The following AMZ1 variants were observed in gnomAD, a reference collection of about 807,000 sequenced individuals.
AMZ1 encodes archaelysin family metallopeptidase 1, also known as archaemetzincin-1.
A neutral mutation model predicts 29.9 loss-of-function variants in AMZ1; 39 were observed. The ratio of observed to expected loss-of-function variants is 1.30; its 90% confidence interval spans 1.01 to 1.70. The LOEUF (loss-of-function observed/expected upper bound fraction) is 1.70, where lower values mean the gene tolerates loss of function less well. AMZ1 is among the 40% of genes most tolerant of loss of function. AMZ1 has a pLI of 0.00. For synonymous variants in AMZ1, 458 were observed against 304.0 expected, an observed-to-expected ratio of 1.51 and a Z score of -5.27; for missense variants, 1,041 against 680.6, an observed-to-expected ratio of 1.53 and a Z score of -5.89.
chr7:2,736,743 C>T (rs989609358), intron 4 of AMZ1, among the ~76,000 whole-genome samples: 1 of 152,244 alleles, frequency 6.6e-6, no homozygotes, highest in African/African-American at 2.4e-5. Context: ...AAGACACACG[C>T]TCGGCTTGCT....
chr7:2,741,961 T>C (rs1790528662), intron 4 of AMZ1, among the ~76,000 whole-genome samples: 1 of 151,916 alleles, frequency 6.6e-6, no homozygotes. Context: ...ATTTAGTATA[T>C]TACTTACATG....
intron 6 of AMZ1, 78 bp downstream of exon 6, chr7:2,709,894 A>C (rs897146258): frequency 6.4e-7 from 1 of 1,559,248 alleles, no homozygotes; most frequent in Non-Finnish European, 8.7e-7. Flanking sequence ...GAGGCTACGC[A>C]GGGCATGGGG....
At chr7:2,685,746 A>G (rs977953509), upstream of AMZ1, among the ~76,000 whole-genome samples, 1 of 140,420 alleles carries the variant, frequency 7.1e-6, no homozygotes, top group Non-Finnish European at 1.5e-5. Context: ...CCAGCTACTT[A>G]GGAGGCTGAG....
chr7:2,694,735 C>CGATCTCA (rs1554246190), intron 1 of AMZ1, among the ~76,000 whole-genome samples: 1 of 151,512 alleles, frequency 6.6e-6, no homozygotes, highest in Non-Finnish European at 1.5e-5. Context: ...TGCAGTGGCG[C>CGATCTCA]GATCTCAGCT....
intron 4 of AMZ1, among the ~76,000 whole-genome samples, chr7:2,758,910 C>T (rs929246768): frequency 2.0e-5 from 3 of 151,976 alleles, no homozygotes; most frequent in Non-Finnish European, 2.9e-5. Context: ...TCTGGGAGGC[C>T]GAGGTGGATC....
intron 4 of AMZ1, among the ~76,000 whole-genome samples, chr7:2,741,781 A>G (rs1583219943): frequency 6.6e-6 from 1 of 151,572 alleles, no homozygotes; most frequent in Non-Finnish European, 1.5e-5. Flanking sequence ...GAATGAGGAC[A>G]CCTGCTTCTA....
At position 2,702,751 on chromosome 7, in the gene AMZ1, C is replaced by A; in HGVS notation, c.334C>A (p.Leu112Met). 7.1e-6 allele frequency: 11 copies of A among 1,540,658 alleles called. No individual in the cohort carries two copies. Among genetic ancestry groups the A allele is most frequent in the Non-Finnish European group, 9.6e-6 (11 of 1,145,744 alleles). The stretch of plus-strand genomic sequence containing the variant: ...GAGCGAGGAGCCGGTGGGAAGCTCC[C>A]TGCTGCACCAGCTGTGCAGCTGCAC... ...DLSEEPVGSS[L>M]LHQLCSCTEA... The change falls in exon 3 of 7, where the codon CTG (leucine) becomes ATG (methionine). Residue 112 changes from leucine (L) to methionine (M), a missense_variant. By Grantham distance (15) the Leu-to-Met change is conservative (BLOSUM62 2). Transcript: ENST00000683327.
At chr7:2,696,023 A>G (rs995676770) in intron 1 of AMZ1, among the ~76,000 whole-genome samples, 4 of 151,362 alleles carry the variant, frequency 2.6e-5, no homozygotes, top group Non-Finnish European at 4.4e-5. Flanking sequence ...GAAAAAAAAA[A>G]AAAAAAGGAA....
chr7:2,700,661 A>T lies in AMZ1; in HGVS notation c.210A>T (p.Arg70=). ...IRTGFDWLLS[R]PEAPEDFQTF... Reference sequence around the variant, plus strand: ...CGGGCTTCGACTGGCTCCTGAGCCGACCCGAGGCTCCCGAGGACTTCCAGA... The same window carrying T: ...CGGGCTTCGACTGGCTCCTGAGCCGTCCCGAGGCTCCCGAGGACTTCCAGA... The change falls in exon 2 of 7, where the codon CGA becomes CGT. Residue 70 remains arginine (R), a synonymous_variant. Coordinates refer to ENST00000683327, the MANE Select transcript of AMZ1 (RefSeq NM_001384743.1). The T allele has an allele frequency of 6.2e-7, 1 of 1,612,318 alleles. No homozygotes were observed. The highest frequency in any genetic ancestry group is 8.5e-7 in the Non-Finnish European group (1 of 1,179,972).
Position 2,712,750 on chromosome 7 carries a change from A to G in AMZ1, c.1369A>G (p.Ser457Gly), listed in dbSNP as rs1183104100. 6.2e-7 allele frequency: 1 copy of G among 1,603,466 alleles called. No individual in the cohort carries two copies. Among genetic ancestry groups the G allele is most frequent in the African/African-American group, 1.3e-5 (1 of 74,838 alleles). The change falls in exon 7 of 7, where the codon AGC (serine) becomes GGC (glycine). Residue 457 changes from serine (S) to glycine (G), a missense_variant. By Grantham distance (56) the Ser-to-Gly change is moderately conservative. Transcript: ENST00000683327. The stretch of plus-strand genomic sequence containing the variant: ...GGCCACCAGGCAGGACCCACCCAGC[A>G]GCAGGGACAGCGTGGGGCTGCGCAA... ...LPATRQDPPS[S>G]RDSVGLRKVL...
rs1789086897 is a variant in AMZ1, at chr7:2,715,780, CAGAGG to C, written c.*2907_*2911del. 1.3e-5 allele frequency: 2 copies of C among 152,152 alleles called. No homozygotes were observed. The allele number at this position is 152,152 out of a possible 1,614,324, so 9.4% of individuals were successfully genotyped here. On this transcript the variant is annotated 3_prime_UTR_variant, in exon 7 of 7. Coordinates refer to ENST00000683327, the MANE Select transcript of AMZ1 (RefSeq NM_001384743.1). ...GACAGTCACCAGGAAAGACGCAAGG[CAGAGG>C]AGAGAGAATGAGGGCTGCCTTCTCG...
chr7:2,692,280 C>T (rs988653625), intron 1 of AMZ1, among the ~76,000 whole-genome samples: 1 of 152,128 alleles, frequency 6.6e-6, no homozygotes, highest in Non-Finnish European at 1.5e-5. Flanking sequence ...GTGGCTCACG[C>T]CTGTAATCCC....
chr7:2,757,922 C>T (rs564850350), intron 4 of AMZ1, among the ~76,000 whole-genome samples: 1 of 152,252 alleles, frequency 6.6e-6, no homozygotes, highest in South Asian at 2.1e-4. Context: ...TGTTCGCTGT[C>T]CCCACATCAG....
chr7:2,744,300 G>A (rs916711158), intron 4 of AMZ1, among the ~76,000 whole-genome samples: 1 of 152,176 alleles, frequency 6.6e-6, no homozygotes, highest in South Asian at 2.1e-4. Flanking sequence ...TCACACGGCC[G>A]GGTACTCCTC....
In AMZ1 at chr7:2,712,374, C is replaced by G. The variant is rs775892447; in HGVS notation, c.993C>G (p.Ser331Arg). The G allele has an allele frequency of 1.2e-6, 2 of 1,605,392 alleles. No homozygotes were observed. The highest frequency in any genetic ancestry group is 1.3e-5 in the African/African-American group (1 of 74,834). ...WTQAVVGTWPSQEAGEPSVWE... is the reference protein window; with the variant it reads ...WTQAVVGTWPRQEAGEPSVWE... ...AGGCGGTGGTGGGGACGTGGCCCAG[C>G]CAGGAGGCGGGGGAGCCGTCAGTGT... The change falls in exon 7 of 7, where the codon AGC (serine) becomes AGG (arginine). Residue 331 changes from serine to arginine, a missense_variant. By Grantham distance (110) the Ser-to-Arg change is moderately radical (BLOSUM62 -1). Transcript: ENST00000683327.
chr7:2,694,369 C>T (rs998226417), intron 1 of AMZ1, among the ~76,000 whole-genome samples: 22 of 152,224 alleles, frequency 1.4e-4, no homozygotes, highest in African/African-American at 4.8e-4. Context: ...GTTTGAATCA[C>T]GCCTTGGGCT....
chr7:2,733,487 C>T, intron 4 of AMZ1: 3 of 1,613,724 alleles, frequency 1.9e-6, no homozygotes, highest in East Asian at 4.5e-5. Context: ...CCAGGAAGTA[C>T]TTCACCGACT....
chr7:2,711,495 T>C (rs980336665), intron 6 of AMZ1, among the ~76,000 whole-genome samples: 3 of 152,224 alleles, frequency 2.0e-5, no homozygotes, highest in Non-Finnish European at 4.4e-5. Context: ...GTGTGTCCCC[T>C]GTACAGATGC....
intron 4 of AMZ1, among the ~76,000 whole-genome samples, chr7:2,751,703 T>C (rs1011687671): frequency 4.6e-5 from 7 of 152,230 alleles, no homozygotes; most frequent in Admixed American, 1.3e-4. Context: ...CCGTCAAACA[T>C]TGACAGGTAT....
Sources: gnomAD v4.1 joint callset for allele counts (sites outside exome capture counted in the v4.1 genomes callset) on GRCh38, gnomAD v4.1.1 for gene constraint, MANE v1.5 for transcripts, NCBI Gene and HGNC (gene_info 2026-07-23, HGNC 2026-07-21) for gene names.